ANGPT2: variants seen among roughly 807,000 people sequenced by gnomAD.
The protein encoded by ANGPT2 is angiopoietin 2, also known as angiopoietin-2.
ANGPT2 carries 28 observed loss-of-function variants against 62.9 expected under a neutral mutation model. The ratio of observed to expected loss-of-function variants is 0.44; its 90% CI spans 0.33 to 0.61. The LOEUF is 0.61. ANGPT2 is among the 20% of genes least tolerant of loss of function. The pLI, the probability that ANGPT2 is intolerant of heterozygous loss-of-function variation, is 0.03. For synonymous variants in ANGPT2, 284 were observed against 207.8 expected, an observed-to-expected ratio of 1.37 and a Z score of -3.15; for missense variants, 727 against 594.9, an observed-to-expected ratio of 1.22 and a Z score of -2.31.
At chr8:6,520,107 A>C in intron 4 of ANGPT2, 116 bp from the exon 5 acceptor site, 1 of 1,213,902 alleles carries the variant, frequency 8.2e-7, no homozygotes. Flanking sequence ...TAAGTAAGCA[A>C]AAGGCTGTAC....
intron 1 of ANGPT2, among the ~76,000 whole-genome samples, chr8:6,547,666 G>A (rs1004150282): frequency 1.3e-4 from 20 of 152,022 alleles, no homozygotes; most frequent in African/African-American, 4.3e-4. Flanking sequence ...GTGACGGTGT[G>A]TGACACACAG....
intron 1 of ANGPT2, among the ~76,000 whole-genome samples, chr8:6,548,587 G>C (rs1304767368): frequency 6.6e-6 from 1 of 152,152 alleles, no homozygotes; most frequent in Non-Finnish European, 1.5e-5. Flanking sequence ...GATGAGCCAA[G>C]GTACAGAAAG....
chr8:6,560,403 A>T (rs1825342290), intron 1 of ANGPT2, among the ~76,000 whole-genome samples: 1 of 152,158 alleles, frequency 6.6e-6, no homozygotes, highest in African/African-American at 2.4e-5. Flanking sequence ...ATCAGTGTTT[A>T]TTATCACAGG....
intron 1 of ANGPT2, among the ~76,000 whole-genome samples, chr8:6,534,683 G>A (rs1052939951): frequency 3.9e-5 from 6 of 152,046 alleles, no homozygotes; most frequent in Admixed American, 2.6e-4. Flanking sequence ...CTGATACCCG[G>A]CAGGCCAGCA....
intron 5 of ANGPT2, among the ~76,000 whole-genome samples, chr8:6,515,087 T>C (rs796430493): frequency 3.0e-4 from 45 of 152,262 alleles, no homozygotes; most frequent in African/African-American, 9.6e-4. Flanking sequence ...CAGAGATTGC[T>C]GTTTTTTTAG....
chr8:6,515,326 C>G (rs1490206998), intron 5 of ANGPT2, among the ~76,000 whole-genome samples: 1 of 152,154 alleles, frequency 6.6e-6, no homozygotes, highest in Non-Finnish European at 1.5e-5. Flanking sequence ...ATGTGCAATA[C>G]TAATCAGATT....
chr8:6,511,296 T>G (rs1815041324), intron 7 of ANGPT2, among the ~76,000 whole-genome samples: 1 of 152,172 alleles, frequency 6.6e-6, no homozygotes, highest in Admixed American at 6.5e-5. Context: ...TTGATTTTTT[T>G]TTTTCAATCT....
At chr8:6,555,178 T>A (rs975154779) in intron 1 of ANGPT2, among the ~76,000 whole-genome samples, 3 of 152,178 alleles carry the variant, frequency 2.0e-5, no homozygotes. Context: ...AGCATTAACA[T>A]AATCCAAGTG....
intron 3 of ANGPT2, 134 bp from the exon 4 acceptor site, chr8:6,521,544 C>T (rs184043550): frequency 4.5e-6 from 3 of 670,722 alleles, no homozygotes; most frequent in African/African-American, 3.6e-5. Context: ...GTTACCAGAG[C>T]CCTAAGGAAT....
At chr8:6,542,561 G>T (rs1054059054) in intron 1 of ANGPT2, among the ~76,000 whole-genome samples, 2 of 151,358 alleles carry the variant, frequency 1.3e-5, no homozygotes, top group South Asian at 2.1e-4. Context: ...ACCCCATCCC[G>T]CACTCTCATC....
In ANGPT2 at chr8:6,519,808, C is replaced by G. The variant is rs1218304260; in HGVS notation, c.927+56G>C. 5.0e-6 allele frequency: 8 copies of G among 1,592,028 alleles called. No homozygotes were observed. In the East Asian group the frequency reaches 1.8e-4, roughly 36 times the overall value. ...GACTTCTGCTCTCTGGTTCCTCACT[C>G]ACTAAAGTGGCCTGCCTAGAGCCAG... On this transcript the variant is annotated intron_variant, in intron 5 of 8. Transcript: ENST00000629816.
intron 1 of ANGPT2, among the ~76,000 whole-genome samples, chr8:6,547,839 C>T (rs1398288748): frequency 6.6e-6 from 1 of 151,786 alleles, no homozygotes; most frequent in African/African-American, 2.4e-5. Context: ...AGAGGTTTTC[C>T]TATTGTTAGG....
Position 6,562,633 on chromosome 8 carries a change from GA to G in ANGPT2, c.288+13del, listed in dbSNP as rs779076632. 2 of 1,321,922 alleles carry G rather than the reference GA, an allele frequency of 1.5e-6. No individual in the cohort carries two copies. The highest frequency in any genetic ancestry group is 2.0e-6 in the Non-Finnish European group (2 of 994,952). The allele number at this position is 1,321,922 out of a possible 1,614,324, so 81.9% of individuals were successfully genotyped here. ...AATAGCATGTTCACAAAGACAGATGGATTTTTTTCCTACCTTCATTAGCCAC... is the reference window on the plus strand; with the variant it reads ...AATAGCATGTTCACAAAGACAGATGGTTTTTTTCCTACCTTCATTAGCCAC... On this transcript the variant is annotated intron_variant, in intron 1 of 8. Transcript: ENST00000629816.
rs774846147 is a variant in ANGPT2, at chr8:6,514,699, C to T, written c.1007G>A (p.Arg336Lys). The T allele has an allele frequency of 2.6e-5, 42 of 1,613,950 alleles. No homozygotes were observed. Among genetic ancestry groups the T allele is most frequent in the Non-Finnish European group, 2.5e-6 (3 of 1,180,000 alleles). ...TACCACTTTATATTCTTTCCAAGTCCTCTGAAAATCAACGCTGCCATCCTC... is the reference window on the plus strand; with the variant it reads ...TACCACTTTATATTCTTTCCAAGTCTTCTGAAAATCAACGCTGCCATCCTC... Reference protein sequence around the residue: ...RREDGSVDFQRTWKEYKVGFG... With the variant: ...RREDGSVDFQKTWKEYKVGFG... The change falls in exon 6 of 9, where the codon AGG becomes AAG. Residue 336 changes from arginine (R) to lysine (K), a missense_variant. By Grantham distance (26) the Arg-to-Lys change is conservative (BLOSUM62 2). Coordinates refer to ENST00000629816, the MANE Select transcript of ANGPT2 (RefSeq NM_001118887.2).
At chr8:6,534,527 C>A (rs150841720) in intron 1 of ANGPT2, among the ~76,000 whole-genome samples, 4 of 152,242 alleles carry the variant, frequency 2.6e-5, no homozygotes, top group Admixed American at 1.3e-4. Context: ...CCTCAGCCCC[C>A]CAAAGTGCTG....
At chr8:6,509,119 G>C in intron 7 of ANGPT2, 57 bp from the exon 8 acceptor site, 2 of 1,577,424 alleles carry the variant, frequency 1.3e-6, no homozygotes, top group Non-Finnish European at 1.7e-6. Context: ...TTACCGTAGT[G>C]GCAAATTTTT....
In ANGPT2 at chr8:6,514,706, A is replaced by G; in HGVS notation, c.1000T>C (p.Phe334Leu). The G allele has an allele frequency of 6.2e-7, 1 of 1,614,142 alleles. No homozygotes were observed. Among genetic ancestry groups the G allele is most frequent in the Non-Finnish European group, 8.5e-7 (1 of 1,180,018 alleles). The change falls in exon 6 of 9, where the codon TTT (phenylalanine) becomes CTT (leucine). Residue 334 changes from phenylalanine to leucine, a missense_variant. Physicochemically the swap from Phe to Leu is conservative, Grantham distance 22. Transcript: ENST00000629816. ...IQRREDGSVD[F>L]QRTWKEYKVG... Reference sequence around the variant, plus strand: ...TTATATTCTTTCCAAGTCCTCTGAAAATCAACGCTGCCATCCTCACGTCGC... The same window carrying G: ...TTATATTCTTTCCAAGTCCTCTGAAGATCAACGCTGCCATCCTCACGTCGC...
intron 8 of ANGPT2, among the ~76,000 whole-genome samples, chr8:6,504,462 G>A (rs1451903966): frequency 2.0e-5 from 3 of 151,960 alleles, no homozygotes; most frequent in Non-Finnish European, 4.4e-5. Flanking sequence ...GTCTACATCC[G>A]GTCTCCTGAT....
At chr8:6,539,553 G>C (rs1821146498) in intron 1 of ANGPT2, among the ~76,000 whole-genome samples, 1 of 152,114 alleles carries the variant, frequency 6.6e-6, no homozygotes, top group South Asian at 2.1e-4. Flanking sequence ...GATCTGTTCT[G>C]ATCTAGCCTT....
Sources: gnomAD v4.1 joint callset for allele counts (sites outside exome capture counted in the v4.1 genomes callset) on GRCh38, gnomAD v4.1.1 for gene constraint, MANE v1.5 for transcripts, NCBI Gene and HGNC (gene_info 2026-07-23, HGNC 2026-07-21) for gene names.